Variants in PCYT2 observed in about 807,000 individuals in gnomAD.
PCYT2 encodes ethanolamine-phosphate cytidylyltransferase.
A neutral mutation model predicts 50.0 loss-of-function variants in PCYT2; 33 were observed. The observed-to-expected ratio is 0.66, with a 90% CI of 0.50 to 0.88. The LOEUF (loss-of-function observed/expected upper bound fraction) is 0.88. PCYT2 is among the 40% of genes least tolerant of loss of function. PCYT2 has a pLI of 0.00. For synonymous variants in PCYT2, 240 were observed against 203.7 expected (o/e 1.18, Z -1.52); for missense variants, 430 against 519.7 (o/e 0.83, Z 1.68).
intron 10 of PCYT2, 101 bp from the exon 11 acceptor site, chr17:81,905,548 C>T: frequency 7.0e-7 from 1 of 1,433,588 alleles, no homozygotes; most frequent in Non-Finnish European, 9.7e-7. Context: ...CTGACCCTGC[C>T]CTTTCCTCAG....
chr17:81,910,811 C>T, intron 1 of PCYT2: 1 of 844,492 alleles, frequency 1.2e-6, no homozygotes, highest in Non-Finnish European at 1.4e-6. Flanking sequence ...CCAGGGAAGA[C>T]CGATCGCATT....
At chr17:81,907,983 G>T in intron 4 of PCYT2, 126 bp from the exon 5 acceptor site, 1 of 756,238 alleles carries the variant, frequency 1.3e-6, no homozygotes, top group Non-Finnish European at 2.1e-6. Context: ...AAAGACTGAG[G>T]GTCCCCTTCC....
Position 81,902,633 on chromosome 17 carries a change from A to G in PCYT2, c.*2200T>C. 1 of 1,598,398 alleles carries G rather than the reference A, an allele frequency of 6.3e-7. No homozygotes were observed. The highest frequency in any genetic ancestry group is 8.5e-7 in the Non-Finnish European group (1 of 1,175,174). On this transcript the variant is annotated 3_prime_UTR_variant, in exon 13 of 13. Coordinates refer to ENST00000538936, the MANE Select transcript of PCYT2 (RefSeq NM_002861.5). Reference sequence around the variant, plus strand: ...CCTGCCCCCCAGGCTGTGTGCGTCCAGGACGTCGCCCCAAACCTGCAGAGG... The same window carrying G: ...CCTGCCCCCCAGGCTGTGTGCGTCCGGGACGTCGCCCCAAACCTGCAGAGG...
At chr17:81,911,158 G>C in intron 1 of PCYT2, 109 bp downstream of exon 1, 1 of 1,004,668 alleles carries the variant, frequency 1.0e-6, no homozygotes, top group Non-Finnish European at 1.2e-6. Flanking sequence ...CATGCCGGAC[G>C]AGGACGCCAC....
intron 10 of PCYT2, 65 bp downstream of exon 10, chr17:81,905,605 A>G: frequency 1.9e-6 from 3 of 1,545,596 alleles, no homozygotes; most frequent in Non-Finnish European, 2.7e-6. Flanking sequence ...GCCAGCCTGC[A>G]TTCCCAGCCC....
At position 81,904,485 on chromosome 17, in the gene PCYT2, G is replaced by A. The variant is rs1021357169; in HGVS notation, c.*348C>T. ...TAAAGCCCTCTGCTCTGCACCTCCC[G>A]CCACAGCTGGGTGGGCAGTCAGTGT... On this transcript the variant is annotated 3_prime_UTR_variant, in exon 13 of 13. Transcript: ENST00000538936. The A allele has an allele frequency of 7.1e-6, 2 of 279,762 alleles. No individual in the cohort carries two copies. Among genetic ancestry groups the A allele is most frequent in the East Asian group, 7.4e-5 (1 of 13,440 alleles). The allele number at this position is 279,762 out of a possible 1,614,324, so 17.3% of individuals were successfully genotyped here. A position where few individuals can be genotyped will look rare whatever the true frequency, so the allele number is the denominator to read the frequency against.
At position 81,906,099 on chromosome 17, in the gene PCYT2, C is replaced by T; in HGVS notation, c.837+1G>A. 1 of 1,608,926 alleles carries T rather than the reference C, an allele frequency of 6.2e-7. No individual in the cohort carries two copies. Among genetic ancestry groups the T allele is most frequent in the Non-Finnish European group, 8.5e-7 (1 of 1,177,412 alleles). On this transcript the variant is annotated splice_donor_variant, in intron 9 of 12. Transcript: ENST00000538936. LOFTEE classifies it high-confidence loss of function. ...TGGGCTGGCTCCTGGCCCCCACTCA[C>T]CCGGCAGGCCAGCACGCTCAGAGTC...
In PCYT2 at chr17:81,904,691, G is replaced by A; in HGVS notation, c.*142C>T. The A allele has an allele frequency of 1.6e-6, 1 of 612,628 alleles. No homozygotes were observed. Among genetic ancestry groups the A allele is most frequent in the Non-Finnish European group, 2.9e-6 (1 of 349,524 alleles). The allele number at this position is 612,628 out of a possible 1,614,324, so 37.9% of individuals were successfully genotyped here. ...GAGCCTGCTGCAAACCAGGCACCTT[G>A]TAGGCAGGCAAGGAGGCAGAGTCCT... On this transcript the variant is annotated 3_prime_UTR_variant, in exon 13 of 13. Transcript: ENST00000538936.
At position 81,902,738 on chromosome 17, in the gene PCYT2, TC is replaced by T. The variant is rs781612418; in HGVS notation, c.*2094del. The T allele has an allele frequency of 6.2e-7, 1 of 1,606,472 alleles. No homozygotes were observed. Among genetic ancestry groups the T allele is most frequent in the Non-Finnish European group, 8.5e-7 (1 of 1,177,814 alleles). On this transcript the variant is annotated 3_prime_UTR_variant, in exon 13 of 13. Coordinates refer to ENST00000538936, the MANE Select transcript of PCYT2 (RefSeq NM_002861.5). ...CTGTCCCTGCGCGCAGCCGACTGCC[TC>T]GCCGCCTGAGCCCGGACCTCTCCTG...
rs2039990984 is a variant in PCYT2, at chr17:81,902,472, G to C, written c.*2361C>G. ...AGCCCTACAGAGGGGCGGAACCCCC[G>C]GGCGGGGCCGGCGCCTCCCCGGAGC... On this transcript the variant is annotated 3_prime_UTR_variant, in exon 13 of 13. Coordinates refer to ENST00000538936, the MANE Select transcript of PCYT2 (RefSeq NM_002861.5). 1.4e-6 allele frequency: 2 copies of C among 1,390,920 alleles called. No individual in the cohort carries two copies. The highest frequency in any genetic ancestry group is 1.6e-5 in the South Asian group (1 of 61,442). 86.2% of individuals were successfully genotyped at this position (1,390,920 alleles called of 1,614,324 possible). A position where few individuals can be genotyped will look rare whatever the true frequency, so the allele number is the denominator to read the frequency against.
At chr17:81,905,956 G>A (rs1048838638) in intron 9 of PCYT2, 144 bp downstream of exon 9, 3 of 766,634 alleles carry the variant, frequency 3.9e-6, no homozygotes, top group South Asian at 1.7e-5. Flanking sequence ...AACAGGTATG[G>A]GCAGGTGCCA....
intron 1 of PCYT2, 126 bp from the exon 2 acceptor site, chr17:81,909,728 GGAGCCCT>G: frequency 1.4e-6 from 1 of 704,666 alleles, no homozygotes. Flanking sequence ...GCTGCTGCTG[GGAGCCCT>G]GGGACTGGGA....
intron 11 of PCYT2, 84 bp from the exon 12 acceptor site, chr17:81,905,238 C>G: frequency 7.3e-7 from 1 of 1,361,334 alleles, no homozygotes; most frequent in East Asian, 2.5e-5. Flanking sequence ...CAGAGGGAGA[C>G]CAGCGCCCAG....
At chr17:81,906,072 C>A in intron 9 of PCYT2, 28 bp downstream of exon 9, 1 of 1,590,440 alleles carries the variant, frequency 6.3e-7, no homozygotes, top group South Asian at 1.1e-5. Context: ...TCTCCCCATC[C>A]TTGGGCTGGC....
At chr17:81,910,825 G>A in intron 1 of PCYT2, 10 of 923,234 alleles carry the variant, frequency 1.1e-5, no homozygotes, top group Non-Finnish European at 1.2e-5. Context: ...TCGCATTCTA[G>A]CCCCGCGGAG....
rs985485293 is a variant in PCYT2 at position 81,903,456 on chromosome 17, C to G, written c.*1377G>C. The stretch of plus-strand genomic sequence containing the variant: ...CCTCCGGGCCCAGGCAGCAGCACTG[C>G]AGGGCCTTTCTACCCTCCCCAAGCC... On this transcript the variant is annotated 3_prime_UTR_variant, in exon 13 of 13. Coordinates refer to ENST00000538936, the MANE Select transcript of PCYT2 (RefSeq NM_002861.5). 6.6e-6 allele frequency: 1 copy of G among 152,470 alleles called. No individual in the cohort carries two copies. Among genetic ancestry groups the G allele is most frequent in the African/African-American group, 2.4e-5 (1 of 41,458 alleles). The allele number at this position is 152,470 out of a possible 1,614,324, so 9.4% of individuals were successfully genotyped here.
At chr17:81,906,303 G>A in intron 8 of PCYT2, 126 bp from the exon 9 acceptor site, 2 of 1,073,214 alleles carry the variant, frequency 1.9e-6, no homozygotes, top group Non-Finnish European at 2.7e-6. Context: ...GCCCCAGACA[G>A]GACAGCCCTG....
At position 81,907,794 on chromosome 17, in the gene PCYT2, G is replaced by C. The variant is rs1297101653; in HGVS notation, c.471C>G (p.Thr157=). The C allele has an allele frequency of 4.3e-6, 7 of 1,613,236 alleles. No individual in the cohort carries two copies. Among genetic ancestry groups the C allele is most frequent in the Admixed American group, 1.7e-5 (1 of 59,998 alleles). Residue 157 remains threonine, a synonymous_variant, in exon 5 of 13, where the codon ACC becomes ACG. Transcript: ENST00000538936. ...TDLVGRMLLV[T]KAHHSSQEMS... ...TCACCTGGCTGCTGTGATGGGCTTT[G>C]GTTACCAGCAGCATGCGGCCCACGA...
chr17:81,909,720 T>A (rs1567897985), intron 1 of PCYT2, 118 bp from the exon 2 acceptor site: 1 of 744,804 alleles, frequency 1.3e-6, no homozygotes. Flanking sequence ...TCTGAGAAGC[T>A]GCTGCTGGGA....
Sources: allele counts gnomAD v4.1 joint callset, GRCh38; gene constraint gnomAD v4.1.1; transcripts MANE v1.5; gene names NCBI Gene and HGNC (gene_info 2026-07-23, HGNC 2026-07-21).